Variants in EFNA5 observed in about 807,000 individuals in gnomAD.
The protein encoded by EFNA5 is ephrin-A5.
Under a neutral mutation model 22.9 loss-of-function variants are expected in EFNA5, and 5 were observed. The ratio of observed to expected loss-of-function variants is 0.22; its 90% CI spans 0.11 to 0.46. The LOEUF is 0.46. EFNA5 is among the 20% of genes least tolerant of loss of function. EFNA5 has a pLI of 0.99. For synonymous variants in EFNA5, 113 were observed against 112.2 expected (o/e 1.01, Z -0.04); for missense variants, 237 against 293.3 (o/e 0.81, Z 1.40).
chr5:107,512,582 A>G (rs1164241594), intron 1 of EFNA5, among the ~76,000 whole-genome samples: 1 of 152,112 alleles, frequency 6.6e-6, no homozygotes, highest in East Asian at 1.9e-4. Flanking sequence ...TCCAGTGATT[A>G]TTGCCATTAA....
chr5:107,580,628 C>A (rs1218703940), intron 1 of EFNA5, among the ~76,000 whole-genome samples: 1 of 146,922 alleles, frequency 6.8e-6, no homozygotes, highest in Non-Finnish European at 1.5e-5. Context: ...GAGGCTAAGG[C>A]AGGAGAATGG....
At chr5:107,561,051 A>C (rs1053692672) in intron 1 of EFNA5, among the ~76,000 whole-genome samples, 6 of 152,222 alleles carry the variant, frequency 3.9e-5, no homozygotes, top group Non-Finnish European at 7.3e-5. Context: ...CAGCAGACAG[A>C]TGCTGTATAA....
chr5:107,483,341 TAC>T (rs1750537891), intron 1 of EFNA5, among the ~76,000 whole-genome samples: 1 of 152,176 alleles, frequency 6.6e-6, no homozygotes, highest in South Asian at 2.1e-4. Context: ...TAATTATATT[TAC>T]AGTTTTCAAC....
chr5:107,638,876 A>G (rs537790765), intron 1 of EFNA5, among the ~76,000 whole-genome samples: 4 of 152,304 alleles, frequency 2.6e-5, no homozygotes, highest in South Asian at 4.1e-4. Flanking sequence ...GAACTAATGC[A>G]TATGTTAAAT....
At chr5:107,593,286 T>A (rs1032356031) in intron 1 of EFNA5, among the ~76,000 whole-genome samples, 1 of 152,198 alleles carries the variant, frequency 6.6e-6, no homozygotes, top group African/African-American at 2.4e-5. Flanking sequence ...AGGAGCAGCA[T>A]CTGCCCAGCA....
chr5:107,453,488 T>C (rs763889109), intron 1 of EFNA5, among the ~76,000 whole-genome samples: 1 of 152,188 alleles, frequency 6.6e-6, no homozygotes, highest in Non-Finnish European at 1.5e-5. Flanking sequence ...TCTATGTATA[T>C]TCATTTTACA....
chr5:107,523,499 G>A (rs1297987310), intron 1 of EFNA5, among the ~76,000 whole-genome samples: 1 of 152,194 alleles, frequency 6.6e-6, no homozygotes, highest in African/African-American at 2.4e-5. Context: ...GGGCCAGCAG[G>A]TGGAGAGCAG....
chr5:107,595,747 G>C (rs1749461198), intron 1 of EFNA5, among the ~76,000 whole-genome samples: 1 of 152,148 alleles, frequency 6.6e-6, no homozygotes, highest in Non-Finnish European at 1.5e-5. Flanking sequence ...TTTCTTTCTT[G>C]TTTTGCTACT....
chr5:107,508,076 T>C (rs1014983685), intron 1 of EFNA5, among the ~76,000 whole-genome samples: 3 of 152,180 alleles, frequency 2.0e-5, no homozygotes, highest in Non-Finnish European at 4.4e-5. Context: ...TGTGGGTAGT[T>C]ACCCAAAAGT....
intron 1 of EFNA5, among the ~76,000 whole-genome samples, chr5:107,630,507 T>C (rs1750228111): frequency 6.6e-6 from 1 of 151,812 alleles, no homozygotes; most frequent in South Asian, 2.1e-4. Context: ...ATAAAAAGAT[T>C]AAAAAATGGT....
chr5:107,603,302 G>C (rs1424009126), intron 1 of EFNA5, among the ~76,000 whole-genome samples: 1 of 152,130 alleles, frequency 6.6e-6, no homozygotes, highest in Non-Finnish European at 1.5e-5. Flanking sequence ...AGCTTAGAAA[G>C]GAAAGAATAT....
At chr5:107,445,447 G>A (rs1242491871) in intron 1 of EFNA5, among the ~76,000 whole-genome samples, 1 of 152,172 alleles carries the variant, frequency 6.6e-6, no homozygotes, top group Non-Finnish European at 1.5e-5. Context: ...ACTTCACTAT[G>A]TCCAAAAAGG....
intron 1 of EFNA5, among the ~76,000 whole-genome samples, chr5:107,578,956 G>A (rs956470287): frequency 2.0e-5 from 3 of 152,014 alleles, no homozygotes; most frequent in African/African-American, 4.8e-5. Context: ...CACCAACACA[G>A]TCATAAGACA....
At chr5:107,541,166 G>A (rs1034684056) in intron 1 of EFNA5, among the ~76,000 whole-genome samples, 1 of 149,894 alleles carries the variant, frequency 6.7e-6, no homozygotes, top group Admixed American at 6.7e-5. Context: ...AGATTTCAAT[G>A]GGATGTAAAA....
At chr5:107,552,889 T>C (rs1162342708) in intron 1 of EFNA5, among the ~76,000 whole-genome samples, 1 of 152,216 alleles carries the variant, frequency 6.6e-6, no homozygotes, top group African/African-American at 2.4e-5. Flanking sequence ...TGAGCAATAA[T>C]TTTTATAAGC....
chr5:107,573,760 G>C (rs1301223547), intron 1 of EFNA5, among the ~76,000 whole-genome samples: 1 of 151,982 alleles, frequency 6.6e-6, no homozygotes, highest in Non-Finnish European at 1.5e-5. Context: ...TGAGTGTGTG[G>C]GTCTATTTTT....
At chr5:107,403,036 G>C (rs965753975) in intron 2 of EFNA5, among the ~76,000 whole-genome samples, 1 of 152,204 alleles carries the variant, frequency 6.6e-6, no homozygotes, top group Non-Finnish European at 1.5e-5. Context: ...CCAGCGTGCT[G>C]TGCCTCGCAG....
chr5:107,539,664 G>A (rs1580519879), intron 1 of EFNA5, among the ~76,000 whole-genome samples: 1 of 151,930 alleles, frequency 6.6e-6, no homozygotes, highest in African/African-American at 2.4e-5. Flanking sequence ...TCACCGTGTT[G>A]GCCAGGCTGG....
intron 1 of EFNA5, among the ~76,000 whole-genome samples, chr5:107,667,824 T>C (rs1751108877): frequency 6.6e-6 from 1 of 152,144 alleles, no homozygotes; most frequent in Non-Finnish European, 1.5e-5. Flanking sequence ...TGAAATAACA[T>C]ACAGGAAAAG....
Sources: gnomAD v4.1 joint callset for allele counts (sites outside exome capture counted in the v4.1 genomes callset) on GRCh38, gnomAD v4.1.1 for gene constraint, MANE v1.5 for transcripts, NCBI Gene and HGNC (gene_info 2026-07-23, HGNC 2026-07-21) for gene names.